The following FBXL17 variants were observed in gnomAD, a reference collection of about 807,000 sequenced individuals.
FBXL17 encodes the protein F-box/LRR-repeat protein 17.
In FBXL17, 22 loss-of-function variants were observed where a neutral mutation model predicts 66.2. The ratio of observed to expected loss-of-function variants is 0.33; its 90% confidence interval spans 0.24 to 0.47. The LOEUF (loss-of-function observed/expected upper bound fraction) is 0.47. FBXL17 is among the 20% of genes least tolerant of loss of function. FBXL17 has a pLI of 1.00. For missense variants in FBXL17, 878 were observed against 948.2 expected (o/e 0.93, Z 0.97); for synonymous variants, 474 against 400.5 (o/e 1.18, Z -2.19).
At chr5:108,241,255 C>T (rs1018764473) in intron 4 of FBXL17, among the ~76,000 whole-genome samples, 24 of 152,230 alleles carry the variant, frequency 1.6e-4, no homozygotes, top group African/African-American at 5.1e-4. Context: ...TTCAAGATAA[C>T]GCAGAGAAGG....
intron 6 of FBXL17, among the ~76,000 whole-genome samples, chr5:108,132,552 CAT>C (rs1750977436): frequency 6.6e-6 from 1 of 151,720 alleles, no homozygotes. Context: ...GTATAACAAA[CAT>C]TGAAAAAGTA....
At chr5:108,374,519 C>A (rs1371578756) in intron 1 of FBXL17, among the ~76,000 whole-genome samples, 2 of 151,842 alleles carry the variant, frequency 1.3e-5, no homozygotes, top group Non-Finnish European at 2.9e-5. Context: ...CCAAAAAATA[C>A]AAAAATTAGC....
intron 6 of FBXL17, among the ~76,000 whole-genome samples, chr5:108,085,363 C>T (rs1399617233): frequency 6.6e-6 from 1 of 152,160 alleles, no homozygotes. Flanking sequence ...ATCCATTTCA[C>T]ATTGTTTGTT....
chr5:108,102,587 T>C (rs1273132790), intron 6 of FBXL17, among the ~76,000 whole-genome samples: 4 of 152,158 alleles, frequency 2.6e-5, no homozygotes, highest in Non-Finnish European at 5.9e-5. Flanking sequence ...CATTTTAGCT[T>C]AGGCTACTCT....
chr5:108,281,747 G>C (rs539557171), intron 4 of FBXL17, among the ~76,000 whole-genome samples: 319 of 151,730 alleles, frequency 2.1e-3, no homozygotes, highest in African/African-American at 7.5e-3. Flanking sequence ...ACAAAAAGTT[G>C]GTTTTTCAAA....
intron 4 of FBXL17, among the ~76,000 whole-genome samples, chr5:108,346,829 T>C (rs904239060): frequency 1.3e-5 from 2 of 152,110 alleles, no homozygotes; most frequent in Non-Finnish European, 2.9e-5. Flanking sequence ...AGGGTCACTA[T>C]GCAAGTGAGT....
At chr5:108,308,045 C>A (rs1758936556) in intron 4 of FBXL17, among the ~76,000 whole-genome samples, 2 of 152,042 alleles carry the variant, frequency 1.3e-5, no homozygotes, top group Admixed American at 6.6e-5. Context: ...GATTCAGGTT[C>A]TTGGTTCTGT....
intron 6 of FBXL17, among the ~76,000 whole-genome samples, chr5:108,122,779 T>C (rs1053894790): frequency 1.3e-5 from 2 of 152,172 alleles, no homozygotes; most frequent in African/African-American, 4.8e-5. Flanking sequence ...CACGAGGAAC[T>C]GCCCAGACAG....
At chr5:108,285,059 C>T (rs1217624640) in intron 4 of FBXL17, among the ~76,000 whole-genome samples, 1 of 151,896 alleles carries the variant, frequency 6.6e-6, no homozygotes, top group Non-Finnish European at 1.5e-5. Flanking sequence ...GTCATTTCAA[C>T]AATATTCACA....
intron 6 of FBXL17, among the ~76,000 whole-genome samples, chr5:108,155,379 G>A (rs1751954601): frequency 6.6e-6 from 1 of 152,094 alleles, no homozygotes; most frequent in South Asian, 2.1e-4. Context: ...GCCGGGCGTG[G>A]TGGCACGTGC....
intron 5 of FBXL17, among the ~76,000 whole-genome samples, chr5:108,211,848 T>C (rs1000564863): frequency 1.3e-5 from 2 of 152,204 alleles, no homozygotes; most frequent in African/African-American, 4.8e-5. Context: ...GTGTTCTCTG[T>C]ATTTCCTGAA....
chr5:108,072,696 AGACTCTGTCTC>A (rs1748387995), intron 6 of FBXL17, among the ~76,000 whole-genome samples: 1 of 129,554 alleles, frequency 7.7e-6, no homozygotes, highest in Non-Finnish European at 1.7e-5. Context: ...AGACAGAGTG[AGACTCTGTCTC>A]AAAAAAAGAA....
chr5:108,039,216 T>C (rs1281686813), intron 6 of FBXL17, among the ~76,000 whole-genome samples: 24 of 152,096 alleles, frequency 1.6e-4, no homozygotes, highest in Admixed American at 1.2e-3. Flanking sequence ...GAAAATAGTG[T>C]TTCAACTATG....
intron 7 of FBXL17, chr5:108,020,706 G>C: frequency 2.4e-6 from 1 of 423,448 alleles, no homozygotes; most frequent in Non-Finnish European, 4.3e-6. Flanking sequence ...GTGTGCATGT[G>C]TGTGTGATTG....
chr5:108,025,378 A>G (rs1237990580), intron 6 of FBXL17, among the ~76,000 whole-genome samples: 1 of 152,170 alleles, frequency 6.6e-6, no homozygotes, highest in Non-Finnish European at 1.5e-5. Flanking sequence ...AATAATAGAT[A>G]TATCTTTAAG....
chr5:108,312,684 T>C (rs1759180759), intron 4 of FBXL17, among the ~76,000 whole-genome samples: 1 of 152,110 alleles, frequency 6.6e-6, no homozygotes, highest in South Asian at 2.1e-4. Context: ...AACACAACTA[T>C]GTAAATTTTT....
intron 4 of FBXL17, among the ~76,000 whole-genome samples, chr5:108,261,712 C>T (rs960621318): frequency 6.6e-6 from 1 of 151,874 alleles, no homozygotes; most frequent in Non-Finnish European, 1.5e-5. Context: ...GGTTACCCAA[C>T]ATTTTACCTG....
chr5:108,184,214 G>C (rs919490776), intron 6 of FBXL17, among the ~76,000 whole-genome samples: 1 of 152,118 alleles, frequency 6.6e-6, no homozygotes, highest in African/African-American at 2.4e-5. Context: ...GATCACTTAA[G>C]GCCAGTAGTT....
At position 108,021,373 on chromosome 5, in the gene FBXL17, G is replaced by A. The variant is rs1023211322; in HGVS notation, c.1746-372C>T. On this transcript the variant is annotated intron_variant, in intron 6 of 8. Transcript: ENST00000542267. The stretch of plus-strand genomic sequence containing the variant: ...AGATAGATCGTTATTATAGGTAGAT[G>A]GTTATATGCTCATGGTTCAATTATT... Among the ~76,000 whole-genome samples, 3 of 149,994 alleles carry A rather than the reference G, an allele frequency of 2.0e-5. 1 individual carries two copies. The highest frequency in any genetic ancestry group is 7.0e-3 in the Middle Eastern group (2 of 284).
Sources: allele counts gnomAD v4.1 joint callset (sites outside exome capture counted in the v4.1 genomes callset), GRCh38; gene constraint gnomAD v4.1.1; transcripts MANE v1.5; gene names NCBI Gene and HGNC (gene_info 2026-07-23, HGNC 2026-07-21).